DLGAP2: variants seen among roughly 807,000 people sequenced by gnomAD.
DLGAP2 encodes the protein DLG associated protein 2.
A neutral mutation model predicts 100.3 loss-of-function variants in DLGAP2; 26 were observed. The observed-to-expected ratio is 0.26, with a 90% CI of 0.19 to 0.36. DLGAP2 has a LOEUF of 0.36. Ranked by LOEUF, DLGAP2 falls within the 10% of genes least tolerant of loss-of-function variation. The probability of loss-of-function intolerance (pLI) is 1.00; values close to 1 mark genes in which losing one functional copy is unlikely to be tolerated. For synonymous variants in DLGAP2, 886 were observed against 630.1 expected, an observed-to-expected ratio of 1.41 and a Z score of -6.08; for missense variants, 1,858 against 1,453.2, an observed-to-expected ratio of 1.28 and a Z score of -4.53.
At chr8:986,211 T>C (rs1449826214) in intron 2 of DLGAP2, among the ~76,000 whole-genome samples, 1 of 152,142 alleles carries the variant, frequency 6.6e-6, no homozygotes, top group African/African-American at 2.4e-5. Context: ...CCCAAAGAGC[T>C]TAGGATGTTT....
At chr8:1,028,365 G>C (rs9694678) in intron 2 of DLGAP2, among the ~76,000 whole-genome samples, 6 of 143,210 alleles carry the variant, frequency 4.2e-5, no homozygotes, top group African/African-American at 1.6e-4. Flanking sequence ...TTCTCCAGGT[G>C]GGGTGTCAGG....
At chr8:1,649,848 A>T (rs1415743300) in intron 8 of DLGAP2, among the ~76,000 whole-genome samples, 4 of 152,134 alleles carry the variant, frequency 2.6e-5, no homozygotes, top group Admixed American at 2.6e-4. Context: ...TTATTTATTT[A>T]TTTGGTTTTG....
chr8:1,638,912 T>C (rs1797832470), intron 8 of DLGAP2, among the ~76,000 whole-genome samples: 1 of 152,122 alleles, frequency 6.6e-6, no homozygotes, highest in Non-Finnish European at 1.5e-5. Context: ...AGCAACAGGA[T>C]GGAGGTGATG....
At chr8:1,248,792 T>A (rs553555637) in intron 2 of DLGAP2, 2 of 152,776 alleles carry the variant, frequency 1.3e-5, no homozygotes, top group East Asian at 3.8e-4. Flanking sequence ...CGAAGAGGCT[T>A]CTGGGTCCGG....
intron 1 of DLGAP2, among the ~76,000 whole-genome samples, chr8:838,172 G>T (rs925032367): frequency 1.9e-4 from 29 of 151,872 alleles, no homozygotes; most frequent in African/African-American, 6.8e-4. Flanking sequence ...ATAATTTAAG[G>T]GATGCTGGCA....
intron 1 of DLGAP2, among the ~76,000 whole-genome samples, chr8:792,143 G>A (rs992876573): frequency 6.6e-6 from 1 of 152,182 alleles, no homozygotes; most frequent in Non-Finnish European, 1.5e-5. Context: ...AAGAGTTCTA[G>A]AGAGGCTGAA....
chr8:1,645,843 A>G (rs1053497659), intron 8 of DLGAP2, among the ~76,000 whole-genome samples: 3 of 152,212 alleles, frequency 2.0e-5, no homozygotes, highest in Admixed American at 1.3e-4. Flanking sequence ...GTTAACCTTA[A>G]AAAGATCTTT....
intron 3 of DLGAP2, among the ~76,000 whole-genome samples, chr8:1,408,221 C>T (rs140528562): frequency 3.9e-5 from 6 of 152,186 alleles, no homozygotes; most frequent in African/African-American, 1.4e-4. Flanking sequence ...CTCTTTCCAC[C>T]TGCCTCACTG....
chr8:934,494 C>T (rs1338473532), intron 2 of DLGAP2, among the ~76,000 whole-genome samples: 2 of 152,212 alleles, frequency 1.3e-5, no homozygotes, highest in Non-Finnish European at 2.9e-5. Flanking sequence ...GCCACCTCTT[C>T]GATTCTTGCC....
intron 1 of DLGAP2, among the ~76,000 whole-genome samples, chr8:838,050 TG>T (rs1796914478): frequency 6.6e-6 from 1 of 152,136 alleles, no homozygotes. Flanking sequence ...TATTAATATT[TG>T]GTAAACAAAT....
intron 1 of DLGAP2, among the ~76,000 whole-genome samples, chr8:903,873 C>T (rs768214669): frequency 2.0e-5 from 3 of 152,218 alleles, no homozygotes; most frequent in Non-Finnish European, 4.4e-5. Context: ...CTGCCGCGTT[C>T]CACAGGAACA....
At chr8:777,238 G>A (rs1334398315) in intron 1 of DLGAP2, among the ~76,000 whole-genome samples, 20 of 150,874 alleles carry the variant, frequency 1.3e-4, no homozygotes, top group East Asian at 5.9e-4. Flanking sequence ...TTGAGCCTAT[G>A]TGTGTCTCTG....
At chr8:1,083,008 A>G (rs1803861177) in intron 2 of DLGAP2, among the ~76,000 whole-genome samples, 1 of 152,206 alleles carries the variant, frequency 6.6e-6, no homozygotes, top group Non-Finnish European at 1.5e-5. Context: ...AAGGAAGAAG[A>G]TATATATGGA....
At chr8:998,853 T>C (rs1330966047) in intron 2 of DLGAP2, among the ~76,000 whole-genome samples, 4 of 152,162 alleles carry the variant, frequency 2.6e-5, no homozygotes, top group Non-Finnish European at 5.9e-5. Flanking sequence ...TTGGGGGAAC[T>C]GGAATGTGTT....
At chr8:1,084,660 G>C (rs1003205947) in intron 2 of DLGAP2, among the ~76,000 whole-genome samples, 1 of 152,198 alleles carries the variant, frequency 6.6e-6, no homozygotes, top group Non-Finnish European at 1.5e-5. Context: ...CTTTCAGTTA[G>C]CGTGATATCC....
chr8:1,625,457 T>C (rs180694322), intron 6 of DLGAP2, among the ~76,000 whole-genome samples: 64 of 152,346 alleles, frequency 4.2e-4, no homozygotes, highest in African/African-American at 1.3e-3. Context: ...AGAACATTGA[T>C]TTATTTTAAG....
chr8:1,295,597 G>A lies in DLGAP2; in HGVS notation c.106+36714G>A, dbSNP rs117296479. ...TGGAAACAGCTCTCCACAAAGGCAG[G>A]GGAACATGTGTCAAGGTAGGATTAT... is the stretch of plus-strand genomic sequence containing the variant. On this transcript the variant is annotated intron_variant, in intron 3 of 14. Coordinates refer to ENST00000637795, the MANE Select transcript of DLGAP2 (RefSeq NM_001346810.2). Among the ~76,000 whole-genome samples, 440 of 152,294 alleles carry A rather than the reference G, an allele frequency of 2.9e-3. 5 individuals are homozygous for A. Among genetic ancestry groups the A allele is most frequent in the Non-Finnish European group, 5.1e-3 (348 of 68,018 alleles).
chr8:897,270 C>T (rs900749968), intron 1 of DLGAP2, among the ~76,000 whole-genome samples: 1 of 152,164 alleles, frequency 6.6e-6, no homozygotes, highest in Non-Finnish European at 1.5e-5. Context: ...TTGAGGCTCC[C>T]TTCTTTCTCC....
intron 1 of DLGAP2, among the ~76,000 whole-genome samples, chr8:832,822 C>T (rs1181583077): frequency 6.6e-6 from 1 of 152,204 alleles, no homozygotes; most frequent in Non-Finnish European, 1.5e-5. Flanking sequence ...TGGGTGGGAG[C>T]TGAGCAGCGA....
Sources: gnomAD v4.1 joint callset for allele counts (sites outside exome capture counted in the v4.1 genomes callset) on GRCh38, gnomAD v4.1.1 for gene constraint, MANE v1.5 for transcripts, NCBI Gene and HGNC (gene_info 2026-07-23, HGNC 2026-07-21) for gene names.